KLHDC10: variants seen among roughly 807,000 people sequenced by gnomAD.
KLHDC10 encodes the protein kelch domain-containing protein 10.
In KLHDC10, 24 loss-of-function variants were observed where a neutral mutation model predicts 56.1. The observed-to-expected ratio is 0.43, with a 90% CI of 0.31 to 0.60. The LOEUF (loss-of-function observed/expected upper bound fraction) is 0.60, where lower values mean the gene tolerates loss of function less well. KLHDC10 is among the 20% of genes least tolerant of loss of function. The pLI, the probability that KLHDC10 is intolerant of heterozygous loss-of-function variation, is 0.11. For missense variants in KLHDC10, 349 were observed against 567.0 expected, an observed-to-expected ratio of 0.62 and a Z score of 3.91; for synonymous variants, 188 against 207.1, an observed-to-expected ratio of 0.91 and a Z score of 0.79.
At chr7:130,121,360 C>G (rs765286043) in intron 4 of KLHDC10, among the ~76,000 whole-genome samples, 8 of 152,156 alleles carry the variant, frequency 5.3e-5, no homozygotes, top group African/African-American at 1.7e-4. Flanking sequence ...TAGGTTCCAG[C>G]GCTTCAAACC....
At chr7:130,091,323 G>C (rs555370824) in intron 1 of KLHDC10, among the ~76,000 whole-genome samples, 1 of 152,308 alleles carries the variant, frequency 6.6e-6, no homozygotes, top group South Asian at 2.1e-4. Flanking sequence ...AACTCATCCA[G>C]TTCCTCTGCA....
At chr7:130,104,244 G>T (rs774585805) in intron 2 of KLHDC10, among the ~76,000 whole-genome samples, 5 of 152,158 alleles carry the variant, frequency 3.3e-5, no homozygotes, top group Non-Finnish European at 7.3e-5. Context: ...AGTGGCAGAG[G>T]CAGAGGAAAA....
intron 2 of KLHDC10, among the ~76,000 whole-genome samples, chr7:130,114,081 T>C (rs1796136000): frequency 6.6e-6 from 1 of 152,214 alleles, no homozygotes; most frequent in Non-Finnish European, 1.5e-5. Context: ...ATCTTCCCTG[T>C]CGCTGTTTAC....
rs750239925 is a variant in KLHDC10 at position 130,130,569 on chromosome 7, G to A, written c.1152G>A (p.Val384=). 1.5e-5 allele frequency: 24 copies of A among 1,613,878 alleles called. No homozygotes were observed. The highest frequency in any genetic ancestry group is 1.7e-5 in the Non-Finnish European group (20 of 1,179,984). ...AGCMYIHGGV[V]NIHENKRTGS... ...GCATGTACATTCATGGAGGAGTGGT[G>A]AACATCCATGAAAACAAACGGACTG... Residue 384 remains valine (V), a synonymous_variant, in exon 10 of 10, where the codon GTG becomes GTA. Coordinates refer to ENST00000335420, the MANE Select transcript of KLHDC10 (RefSeq NM_014997.4). The surrounding 1 kb of genome is among the most constrained non-coding windows in gnomAD (Gnocchi z 4.2).
At position 130,125,892 on chromosome 7, in the gene KLHDC10, G is replaced by T. The variant is rs576518672; in HGVS notation, c.892G>T (p.Ala298Ser). The T allele has an allele frequency of 1.9e-6, 3 of 1,602,344 alleles. No individual in the cohort carries two copies. The highest frequency in any genetic ancestry group is 2.5e-6 in the Non-Finnish European group (3 of 1,177,064). ...CCATGCATACAACCTTGAAACGAAT[G>T]CCTGGGAGGAAATTGCAACAAAACC... is the stretch of plus-strand genomic sequence containing the variant. ...KIHAYNLETN[A>S]WEEIATKPHE... The change falls in exon 7 of 10, where the codon GCC becomes TCC. Residue 298 changes from alanine to serine, a missense_variant. Physicochemically the swap from Ala to Ser is moderately conservative, Grantham distance 99. Transcript: ENST00000335420.
At chr7:130,078,060 C>CGT (rs1563095852) in intron 1 of KLHDC10, among the ~76,000 whole-genome samples, 10 of 150,152 alleles carry the variant, frequency 6.7e-5, no homozygotes, top group African/African-American at 2.5e-4. Context: ...TTCTCCTTTT[C>CGT]ATTTTTTTTT....
rs1208817761 is a variant in KLHDC10, at chr7:130,070,657, A to G, written c.14A>G (p.Gln5Arg). 3.8e-6 allele frequency: 5 copies of G among 1,311,224 alleles called. No individual in the cohort carries two copies. In the East Asian group the frequency reaches 1.2e-4, roughly 30 times the overall value. 81.2% of individuals were successfully genotyped at this position (1,311,224 alleles called of 1,614,324 possible). MSAAQGWDRNRRRGG... is the reference protein window; with the variant it reads MSAARGWDRNRRRGG... ...CGTTAGCGGGTCATGTCGGCCGCCC[A>G]GGGCTGGGACAGGAACCGCCGGAGG... Residue 5 changes from glutamine (Q) to arginine (R), a missense_variant, in exon 1 of 10, where the codon CAG becomes CGG. By Grantham distance (43) the Gln-to-Arg change is conservative. Transcript: ENST00000335420.
rs531145474 is a variant in KLHDC10, at chr7:130,134,436, G to A, written c.*3690G>A. 91 of 152,268 alleles carry A rather than the reference G, an allele frequency of 6.0e-4. No individual in the cohort carries two copies. Among genetic ancestry groups the A allele is most frequent in the African/African-American group, 2.0e-3 (85 of 41,546 alleles). 9.4% of individuals were successfully genotyped at this position (152,268 alleles called of 1,614,324 possible). ...CCACCAAAGAACTCTTAGTACCTAC[G>A]GGAAGGAAAAGCTGTGTGCGACACA... On this transcript the variant is annotated 3_prime_UTR_variant, in exon 10 of 10. Transcript: ENST00000335420.
At chr7:130,126,689 T>C (rs1444774077) in intron 7 of KLHDC10, among the ~76,000 whole-genome samples, 1 of 151,690 alleles carries the variant, frequency 6.6e-6, no homozygotes, top group Non-Finnish European at 1.5e-5. Context: ...AATAAATAAA[T>C]AAAAAACAAA....
rs749963913 is a variant in KLHDC10, at chr7:130,116,700, T to C, written c.475+34T>C. The C allele has an allele frequency of 1.3e-6, 2 of 1,520,408 alleles. No individual in the cohort carries two copies. The highest frequency in any genetic ancestry group is 1.8e-6 in the Non-Finnish European group (2 of 1,095,640). 94.2% of individuals were successfully genotyped at this position (1,520,408 alleles called of 1,614,324 possible). ...AAGCAGTTCGTAACTCCTGACTTTA[T>C]GAAATGTCTGAGAAGCCAGGTTCAA... On this transcript the variant is annotated intron_variant, in intron 3 of 9. Transcript: ENST00000335420. The surrounding 1 kb of genome is among the most constrained non-coding windows in gnomAD (Gnocchi z 4.8).
At chr7:130,109,751 G>A (rs1483521223) in intron 2 of KLHDC10, among the ~76,000 whole-genome samples, 1 of 152,100 alleles carries the variant, frequency 6.6e-6, no homozygotes, top group Non-Finnish European at 1.5e-5. Flanking sequence ...CGATTCTCAT[G>A]CCTCAGCCTC....
intron 2 of KLHDC10, among the ~76,000 whole-genome samples, chr7:130,108,319 T>C (rs1157648024): frequency 6.6e-6 from 1 of 152,160 alleles, no homozygotes; most frequent in East Asian, 1.9e-4. Context: ...TTATCCCAGA[T>C]AAAATCCTCA....
intron 1 of KLHDC10, among the ~76,000 whole-genome samples, chr7:130,073,773 C>A (rs1253122466): frequency 6.6e-6 from 1 of 152,196 alleles, no homozygotes; most frequent in Non-Finnish European, 1.5e-5. Flanking sequence ...TTTATCCATC[C>A]AGTTATGCAA....
chr7:130,130,843 C>T lies in KLHDC10; in HGVS notation c.*97C>T. 1.6e-6 allele frequency: 2 copies of T among 1,234,764 alleles called. No individual in the cohort carries two copies. The highest frequency in any genetic ancestry group is 1.2e-6 in the Non-Finnish European group (1 of 854,720). The allele number at this position is 1,234,764 out of a possible 1,614,324, so 76.5% of individuals were successfully genotyped here. A position where few individuals can be genotyped will look rare whatever the true frequency, so the allele number is the denominator to read the frequency against. On this transcript the variant is annotated 3_prime_UTR_variant, in exon 10 of 10. Transcript: ENST00000335420. The surrounding 1 kb of genome is among the most constrained non-coding windows in gnomAD (Gnocchi z 4.2). Reference sequence around the variant, plus strand: ...AATGTGCTACAAAGAGGATTGGTTACCCTGATCAAGGCCTTATTTAGAAAA... The same window carrying T: ...AATGTGCTACAAAGAGGATTGGTTATCCTGATCAAGGCCTTATTTAGAAAA...
rs35132418 is a variant in KLHDC10, at chr7:130,077,353, C to CAAAAAAA, written c.166+6567_166+6573dup. 5.0e-4 allele frequency among the ~76,000 whole-genome samples: 9 copies of CAAAAAAA among 17,898 alleles called. 1 individual carries two copies. Among genetic ancestry groups the CAAAAAAA allele is most frequent in the African/African-American group, 7.6e-4 (3 of 3,924 alleles). 11.7% of individuals were successfully genotyped at this position (17,898 alleles called of 152,430 possible). On this transcript the variant is annotated intron_variant, in intron 1 of 9. Transcript: ENST00000335420. ...TGGGTGACTGAACAAGACTCTGTCT[C>CAAAAAAA]AAAAAAAAAAAAAAAAAAAAAAAAA...
chr7:130,090,085 T>C (rs1443576817), intron 1 of KLHDC10, among the ~76,000 whole-genome samples: 6 of 152,240 alleles, frequency 3.9e-5, no homozygotes, highest in Non-Finnish European at 7.4e-5. Flanking sequence ...AGTTTCTCCA[T>C]GTTGAGGCTG....
rs1795574696 is a variant in KLHDC10 at position 130,079,800 on chromosome 7, CCCTT to C, written c.166+8992_166+8995del. 2.2e-5 allele frequency among the ~76,000 whole-genome samples: 3 copies of C among 137,808 alleles called. No individual in the cohort carries two copies. The South Asian group carries it at 8.0e-4, about 37-fold the overall frequency. The allele number at this position is 137,808 out of a possible 152,430, so 90.4% of individuals were successfully genotyped here. ...TCCTCCCTTCCCACACCTCCTCCCT[CCCTT>C]GCTTCCTTACTCCCTTGCTCCCTGC... On this transcript the variant is annotated intron_variant, in intron 1 of 9. Transcript: ENST00000335420.
intron 1 of KLHDC10, among the ~76,000 whole-genome samples, chr7:130,094,599 A>G (rs1442556197): frequency 6.6e-6 from 1 of 152,176 alleles, no homozygotes; most frequent in African/African-American, 2.4e-5. Context: ...TTTTCTGAAT[A>G]TATAAAAATA....
In KLHDC10 at chr7:130,127,438, T is replaced by G; in HGVS notation, c.966T>G (p.Val322=). The G allele has an allele frequency of 6.2e-7, 1 of 1,612,244 alleles. No individual in the cohort carries two copies. The highest frequency in any genetic ancestry group is 1.1e-5 in the South Asian group (1 of 90,984). ...FPAARRCHSC[V]QIKNDVFICG... is the part of the protein sequence containing the mutation. ...CAGCCCGAAGGTGTCACAGTTGTGT[T>G]CAAATAAAAAATGGTAAGGATTCTA... The change falls in exon 8 of 10, where the codon GTT becomes GTG. Residue 322 remains valine (V), a synonymous_variant. Coordinates refer to ENST00000335420, the MANE Select transcript of KLHDC10 (RefSeq NM_014997.4).
Sources: allele counts gnomAD v4.1 joint callset (sites outside exome capture counted in the v4.1 genomes callset), GRCh38; gene constraint gnomAD v4.1.1; non-coding constraint Gnocchi (gnomAD v3.1); transcripts MANE v1.5; gene names NCBI Gene and HGNC (gene_info 2026-07-23, HGNC 2026-07-21).